LSM14A: variants seen among roughly 807,000 people sequenced by gnomAD.
LSM14A encodes protein LSM14 homolog A.
A neutral mutation model predicts 52.4 loss-of-function variants in LSM14A; 14 were observed. That is an observed-to-expected ratio of 0.27 (90% CI 0.18 to 0.42). The LOEUF is 0.42. Among genes scored for constraint, LSM14A ranks in the 10% least tolerant of loss-of-function variants. The pLI, the probability that LSM14A is intolerant of heterozygous loss-of-function variation, is 1.00. For synonymous variants in LSM14A, 185 were observed against 200.3 expected (o/e 0.92, Z 0.64); for missense variants, 417 against 581.8 (o/e 0.72, Z 2.91).
intron 2 of LSM14A, among the ~76,000 whole-genome samples, chr19:34,194,853 T>C (rs1355757723): frequency 6.6e-6 from 1 of 152,220 alleles, no homozygotes; most frequent in Admixed American, 6.5e-5. Flanking sequence ...TATTATGAAA[T>C]ATTTTCTAAT....
intron 3 of LSM14A, among the ~76,000 whole-genome samples, chr19:34,198,843 C>G (rs539127482): frequency 1.3e-5 from 2 of 151,344 alleles, no homozygotes; most frequent in Non-Finnish European, 2.9e-5. Flanking sequence ...AAAAATTAGC[C>G]GGGCGTGGTG....
At chr19:34,196,419 T>C (rs931496911) in intron 2 of LSM14A, among the ~76,000 whole-genome samples, 9 of 152,230 alleles carry the variant, frequency 5.9e-5, no homozygotes, top group Non-Finnish European at 1.0e-4. Context: ...AAAAAAGTAT[T>C]TGTAAGTCAC....
chr19:34,185,347 T>G (rs1156548159), intron 1 of LSM14A, among the ~76,000 whole-genome samples: 1 of 152,126 alleles, frequency 6.6e-6, no homozygotes, highest in Non-Finnish European at 1.5e-5. Flanking sequence ...GGTGTTAAGT[T>G]CGTAGTGGGT....
At chr19:34,201,434 C>G (rs1043875429) in intron 3 of LSM14A, among the ~76,000 whole-genome samples, 2 of 152,192 alleles carry the variant, frequency 1.3e-5, no homozygotes, top group African/African-American at 2.4e-5. Context: ...CCCCCTCCTC[C>G]CGGGTTCAAG....
chr19:34,178,265 G>C (rs2069223671), intron 1 of LSM14A, among the ~76,000 whole-genome samples: 1 of 152,134 alleles, frequency 6.6e-6, no homozygotes, highest in Non-Finnish European at 1.5e-5. Flanking sequence ...CCTAATTGCA[G>C]AGGTGCTGTG....
chr19:34,184,878 A>G (rs1227696527), intron 1 of LSM14A, among the ~76,000 whole-genome samples: 1 of 152,198 alleles, frequency 6.6e-6, no homozygotes, highest in African/African-American at 2.4e-5. Context: ...TTGAGGACAC[A>G]ACATTTAAGC....
chr19:34,217,722 C>G (rs568547128), intron 6 of LSM14A, among the ~76,000 whole-genome samples: 13 of 145,338 alleles, frequency 8.9e-5, no homozygotes, highest in Non-Finnish European at 1.9e-4. Flanking sequence ...CTCCACCGCC[C>G]GGGTTCATGC....
chr19:34,183,065 A>G (rs1306247045), intron 1 of LSM14A, among the ~76,000 whole-genome samples: 1 of 152,044 alleles, frequency 6.6e-6, no homozygotes, highest in African/African-American at 2.4e-5. Context: ...ATATTTTCAT[A>G]TCTGTCTCTT....
intron 1 of LSM14A, among the ~76,000 whole-genome samples, chr19:34,181,208 C>T (rs569152866): frequency 2.0e-4 from 31 of 152,154 alleles, no homozygotes; most frequent in Non-Finnish European, 3.8e-4. Flanking sequence ...CTCTACTCTC[C>T]TCAGTTTTTC....
intron 4 of LSM14A, among the ~76,000 whole-genome samples, chr19:34,212,057 A>T (rs1360789291): frequency 1.3e-5 from 2 of 152,194 alleles, no homozygotes; most frequent in East Asian, 3.8e-4. Context: ...GAGTATAAAT[A>T]AGAATTTATC....
At chr19:34,182,971 C>T (rs1190393816) in intron 1 of LSM14A, among the ~76,000 whole-genome samples, 1 of 152,020 alleles carries the variant, frequency 6.6e-6, no homozygotes, top group Non-Finnish European at 1.5e-5. Flanking sequence ...TCTATCTTGC[C>T]TCCTGCTCCC....
At chr19:34,215,560 G>C (rs914619588) in intron 5 of LSM14A, 36 bp from the exon 6 acceptor site, 8 of 1,534,268 alleles carry the variant, frequency 5.2e-6, no homozygotes, top group Non-Finnish European at 7.2e-6. Context: ...GATGTACCCT[G>C]AGTTGATTTG....
rs902168252 is a variant in LSM14A at position 34,210,148 on chromosome 19, A to G, written c.538+1097A>G. ...CATTTCAGAAAGACCTATAGTCACA[A>G]GACAGTATTTTAAAAAGCTATTAAG... On this transcript the variant is annotated intron_variant, in intron 4 of 9. Coordinates refer to ENST00000544216, the MANE Select transcript of LSM14A (RefSeq NM_015578.4). Among the ~76,000 whole-genome samples the G allele has an allele frequency of 2.6e-5, 4 of 152,346 alleles. No individual in the cohort carries two copies. In the South Asian group the frequency reaches 8.3e-4, roughly 32 times the overall value.
At position 34,218,295 on chromosome 19, in the gene LSM14A, C is replaced by T. The variant is rs530952338; in HGVS notation, c.782-1096C>T. Among the ~76,000 whole-genome samples, 553 of 152,206 alleles carry T rather than the reference C, an allele frequency of 3.6e-3. 5 individuals are homozygous for T. The highest frequency in any genetic ancestry group is 0.013 in the African/African-American group (533 of 41,520). ...CTGGGGTTACAGGCGTGAGCCACCG[C>T]GCCTGGCCCCAAAATATTTTTTTTT... On this transcript the variant is annotated intron_variant, in intron 6 of 9. Coordinates refer to ENST00000544216, the MANE Select transcript of LSM14A (RefSeq NM_015578.4).
At chr19:34,216,533 C>T (rs570822635) in intron 6 of LSM14A, among the ~76,000 whole-genome samples, 7 of 152,062 alleles carry the variant, frequency 4.6e-5, no homozygotes, top group African/African-American at 1.7e-4. Flanking sequence ...GATCTCAGCT[C>T]ACGGCAGCCT....
intron 1 of LSM14A, among the ~76,000 whole-genome samples, chr19:34,177,999 A>G (rs1360040485): frequency 6.6e-6 from 1 of 152,052 alleles, no homozygotes; most frequent in African/African-American, 2.4e-5. Context: ...CGTCTCTACT[A>G]AAAATACAAA....
At chr19:34,215,058 T>G (rs1184762869) in intron 4 of LSM14A, 66 bp from the exon 5 acceptor site, 1 of 1,348,868 alleles carries the variant, frequency 7.4e-7, no homozygotes, top group East Asian at 2.3e-5. Context: ...GGACAATTTT[T>G]TTTAGGGTCT....
At chr19:34,210,541 G>A (rs2072062677) in intron 4 of LSM14A, among the ~76,000 whole-genome samples, 3 of 151,894 alleles carry the variant, frequency 2.0e-5, no homozygotes, top group Admixed American at 6.6e-5. Context: ...CAAAGTGCTG[G>A]GATTGTAGAT....
At chr19:34,211,499 CAT>C (rs1452762692) in intron 4 of LSM14A, among the ~76,000 whole-genome samples, 2 of 151,928 alleles carry the variant, frequency 1.3e-5, no homozygotes, top group East Asian at 3.9e-4. Flanking sequence ...ATGGAAAAAA[CAT>C]ATCTTATTGC....
Sources: gnomAD v4.1 joint callset for allele counts (sites outside exome capture counted in the v4.1 genomes callset) on GRCh38, gnomAD v4.1.1 for gene constraint, MANE v1.5 for transcripts, NCBI Gene and HGNC (gene_info 2026-07-23, HGNC 2026-07-21) for gene names.